The following ZNF43 variants were observed in gnomAD, a reference collection of about 807,000 sequenced individuals.
The protein encoded by ZNF43 is zinc finger protein 39-like 1 (KOX 27).
ZNF43 carries 44 observed loss-of-function variants against 68.4 expected under a neutral mutation model. The observed-to-expected ratio is 0.64, with a 90% confidence interval of 0.51 to 0.83. The LOEUF is 0.83. ZNF43 is among the 40% of genes least tolerant of loss of function. The probability of loss-of-function intolerance (pLI) is 0.00; values close to 1 mark genes in which losing one functional copy is unlikely to be tolerated. For synonymous variants in ZNF43, 308 were observed against 307.8 expected, an observed-to-expected ratio of 1.00 and a Z score of -0.01; for missense variants, 896 against 933.2, an observed-to-expected ratio of 0.96 and a Z score of 0.52.
At chr19:21,839,732 C>A (rs1360813831), upstream of ZNF43, 1 of 152,182 alleles carries the variant, frequency 6.6e-6, no homozygotes, top group Non-Finnish European at 1.5e-5. Flanking sequence ...AAGAAAGTCA[C>A]ATTATATGGA....
At chr19:21,845,451 G>C (rs2145415303) in intron 1 of ZNF43, 1 of 152,218 alleles carries the variant, frequency 6.6e-6, no homozygotes, top group South Asian at 2.1e-4. Context: ...GCTGGGTCCA[G>C]TGATACATCA....
At chr19:21,818,987 T>A in intron 2 of ZNF43, 108 bp downstream of exon 2, 1 of 1,442,216 alleles carries the variant, frequency 6.9e-7, no homozygotes, top group South Asian at 1.4e-5. Flanking sequence ...AAAACAGGAA[T>A]CTGAAACTCA....
intron 1 of ZNF43, among the ~76,000 whole-genome samples, chr19:21,819,772 T>C (rs1399543060): frequency 6.6e-6 from 1 of 152,174 alleles, no homozygotes; most frequent in Non-Finnish European, 1.5e-5. Context: ...GTTTTTTTTC[T>C]AGTTTTTCTG....
Position 21,836,030 on chromosome 19 carries a change from T to G in ZNF43, c.3+6A>C, listed in dbSNP as rs1302375746. ...CCCTCTCGGGATGTCGGACCGGCAC[T>G]CTCACCATTTCTAGGCTTCCGGGGG... On this transcript the variant is annotated splice_donor_region_variant and intron_variant, in intron 1 of 3. Coordinates refer to ENST00000354959, the MANE Select transcript of ZNF43 (RefSeq NM_003423.4). 1.2e-6 allele frequency: 2 copies of G among 1,613,810 alleles called. No homozygotes were observed.
At chr19:21,843,447 T>C (rs1226037133) in intron 1 of ZNF43, 1 of 914,780 alleles carries the variant, frequency 1.1e-6, no homozygotes, top group Non-Finnish European at 1.3e-6. Flanking sequence ...TGTAGATGAA[T>C]CCATGCATAA....
intron 1 of ZNF43, among the ~76,000 whole-genome samples, chr19:21,830,182 C>T (rs1022666504): frequency 1.3e-4 from 20 of 150,752 alleles, no homozygotes; most frequent in Admixed American, 3.3e-4. Context: ...ACCAGGGAGG[C>T]GGAGGTTGCA....
At chr19:21,814,304 AAAAAT>A (rs1475871428) in intron 3 of ZNF43, among the ~76,000 whole-genome samples, 6 of 152,134 alleles carry the variant, frequency 3.9e-5, no homozygotes, top group African/African-American at 1.4e-4. Context: ...AAATTAGCTA[AAAAAT>A]AATATATACA....
intron 1 of ZNF43, among the ~76,000 whole-genome samples, chr19:21,834,902 T>C (rs994654756): frequency 1.2e-4 from 18 of 149,598 alleles, no homozygotes; most frequent in African/African-American, 3.7e-4. Flanking sequence ...ATCTAAAATA[T>C]CTTTATCTAA....
chr19:21,830,687 A>G (rs1274707818), intron 1 of ZNF43, among the ~76,000 whole-genome samples: 4 of 151,946 alleles, frequency 2.6e-5, no homozygotes, highest in African/African-American at 7.2e-5. Flanking sequence ...GTACAAAAAA[A>G]AAAAAGCTGA....
intron 3 of ZNF43, 65 bp downstream of exon 3, chr19:21,817,823 G>C (rs1599469949): frequency 1.3e-6 from 2 of 1,487,368 alleles, no homozygotes; most frequent in East Asian, 4.6e-5. Flanking sequence ...TTTAAGGACT[G>C]GCTTTCCCCT....
chr19:21,819,809 A>G (rs2457798), intron 1 of ZNF43, among the ~76,000 whole-genome samples: 69,171 of 151,978 alleles, frequency 0.46, 17,559 homozygotes, highest in African/African-American at 0.7. Flanking sequence ...AAGAGCTTTC[A>G]TTTTCAAAAG....
upstream of ZNF43, chr19:21,839,930 T>C (rs1010971639): frequency 5.3e-5 from 8 of 152,138 alleles, no homozygotes; most frequent in Non-Finnish European, 1.0e-4. Context: ...GAGCTGAATG[T>C]AGGTAGAAAA....
intron 1 of ZNF43, among the ~76,000 whole-genome samples, chr19:21,833,648 A>C (rs1004353803): frequency 1.3e-5 from 2 of 152,106 alleles, no homozygotes; most frequent in Non-Finnish European, 2.9e-5. Flanking sequence ...GATCAGAAAA[A>C]AAAAACAAAA....
Position 21,808,274 on chromosome 19 carries a change from T to G in ZNF43, c.1763A>C (p.His588Pro), listed in dbSNP as rs777338829. The change falls in exon 4 of 4, where the codon CAT (histidine) becomes CCT (proline). Residue 588 changes from histidine to proline, a missense_variant. By Grantham distance (77) the His-to-Pro change is moderately conservative. Transcript: ENST00000354959. ...ACATTTGTAGAATTTCTCTCCAGTA[T>G]GAATTTTCTTATGTGTAGTAAGGTT... Reference protein sequence around the residue: ...SSNLTTHKKIHTGEKFYKCEE... With the variant: ...SSNLTTHKKIPTGEKFYKCEE... 6.2e-7 allele frequency: 1 copy of G among 1,613,622 alleles called. No homozygotes were observed. The highest frequency in any genetic ancestry group is 1.7e-5 in the Admixed American group (1 of 60,010).
intron 1 of ZNF43, among the ~76,000 whole-genome samples, chr19:21,833,943 C>T (rs1010902536): frequency 2.6e-5 from 4 of 151,930 alleles, no homozygotes; most frequent in Non-Finnish European, 5.9e-5. Context: ...AGCAGAATCG[C>T]TTGAACCCAG....
In ZNF43 at chr19:21,809,447, G is replaced by A; in HGVS notation, c.590C>T (p.Thr197Ile). The A allele has an allele frequency of 6.2e-7, 1 of 1,613,768 alleles. No individual in the cohort carries two copies. The highest frequency in any genetic ancestry group is 8.5e-7 in the Non-Finnish European group (1 of 1,179,880). Residue 197 changes from threonine to isoleucine, a missense_variant, in exon 4 of 4, where the codon ACC becomes ATC. Physicochemically the swap from Thr to Ile is moderately conservative, Grantham distance 89. Coordinates refer to ENST00000354959, the MANE Select transcript of ZNF43 (RefSeq NM_003423.4). ...TTCACATTTGCAGAAATTCACTCTG[G>A]TATGAATTATTTTATGTTGAGCTAG... The part of the protein sequence containing the change: ...PHLAQHKIIH[T>I]RVNFCKCEKC...
chr19:21,805,884 T>C lies in ZNF43; in HGVS notation c.*1723A>G, dbSNP rs961568167. ...ACATACACTCTTGAGTAAGGTGAAA[T>C]AGGTTAAAGTTAGAAGCATAATAAT... is the stretch of plus-strand genomic sequence containing the variant. On this transcript the variant is annotated 3_prime_UTR_variant, in exon 4 of 4. Transcript: ENST00000354959. The C allele has an allele frequency of 5.9e-5, 9 of 152,090 alleles. No homozygotes were observed. The highest frequency in any genetic ancestry group is 1.9e-4 in the African/African-American group (8 of 41,426). 9.4% of individuals were successfully genotyped at this position (152,090 alleles called of 1,614,324 possible).
chr19:21,818,359 C>T (rs1337367918), intron 2 of ZNF43, among the ~76,000 whole-genome samples: 7 of 151,658 alleles, frequency 4.6e-5, no homozygotes, highest in African/African-American at 1.5e-4. Flanking sequence ...CCTTGGCATC[C>T]CAAAGTGCTG....
intron 1 of ZNF43, among the ~76,000 whole-genome samples, chr19:21,834,515 T>G (rs1327547154): frequency 6.6e-6 from 1 of 151,902 alleles, no homozygotes; most frequent in Non-Finnish European, 1.5e-5. Context: ...TCCTTGCACT[T>G]TGGGAGGCCA....
Sources: gnomAD v4.1 joint callset for allele counts (sites outside exome capture counted in the v4.1 genomes callset) on GRCh38, gnomAD v4.1.1 for gene constraint, MANE v1.5 for transcripts, NCBI Gene and HGNC (gene_info 2026-07-23, HGNC 2026-07-21) for gene names.